MTAP: variants seen among roughly 807,000 people sequenced by gnomAD.
MTAP encodes the protein S-methyl-5'-thioadenosine phosphorylase.
MTAP carries 33 observed loss-of-function variants against 33.6 expected under a neutral mutation model. The observed-to-expected ratio is 0.98, with a 90% CI of 0.74 to 1.31. MTAP has a LOEUF of 1.31. Among genes scored for constraint, MTAP ranks in the 40% most tolerant of loss-of-function variants. The probability of loss-of-function intolerance (pLI) is 0.00; values close to 1 mark genes in which losing one functional copy is unlikely to be tolerated. For missense variants in MTAP, 367 were observed against 360.0 expected, an observed-to-expected ratio of 1.02 and a Z score of -0.16; for synonymous variants, 148 against 125.7, an observed-to-expected ratio of 1.18 and a Z score of -1.19.
At chr9:21,933,676 C>T (rs1818998833), downstream of MTAP, 1 of 152,178 alleles carries the variant, frequency 6.6e-6, no homozygotes, top group Non-Finnish European at 1.5e-5. Context: ...CTGCCAGAAA[C>T]ACAATTTGGA....
chr9:21,932,228 TAATTA>T (rs1818972597), downstream of MTAP: 2 of 152,216 alleles, frequency 1.3e-5, no homozygotes, highest in Admixed American at 1.3e-4. Context: ...AAGCTGCCCA[TAATTA>T]TTCCTGGGCT....
intron 4 of MTAP, among the ~76,000 whole-genome samples, chr9:21,834,956 G>A (rs1198226455): frequency 6.6e-6 from 1 of 152,140 alleles, no homozygotes; most frequent in East Asian, 1.9e-4. Flanking sequence ...GTATATGTGT[G>A]TCTTAGTCTG....
chr9:21,815,470 A>C lies in MTAP; in HGVS notation c.71A>C (p.Glu24Ala). Reference sequence around the variant, plus strand: ...GGTGGAACAGGCCTGGATGATCCAGAAATTTTAGAAGGAAGAACTGAAAAA... The same window carrying C: ...GGTGGAACAGGCCTGGATGATCCAGCAATTTTAGAAGGAAGAACTGAAAAA... ...IIGGTGLDDP[E>A]ILEGRTEKYV... The change falls in exon 2 of 8, where the codon GAA becomes GCA. Residue 24 changes from glutamate (E) to alanine (A), a missense_variant. Glu to Ala is a moderately radical substitution (Grantham distance 107, BLOSUM62 -1). Coordinates refer to ENST00000644715, the MANE Select transcript of MTAP (RefSeq NM_002451.4). The C allele has an allele frequency of 6.2e-7, 1 of 1,612,286 alleles. No homozygotes were observed. Among genetic ancestry groups the C allele is most frequent in the East Asian group, 2.2e-5 (1 of 44,842 alleles).
At chr9:21,881,915 T>G (rs1818018184) in intron 1 of MTAP, among the ~76,000 whole-genome samples, 1 of 151,864 alleles carries the variant, frequency 6.6e-6, no homozygotes, top group African/African-American at 2.4e-5. Flanking sequence ...TCAAAGAAAT[T>G]TGCACACCCA....
downstream of MTAP, among the ~76,000 whole-genome samples, chr9:21,940,442 A>G (rs1048878144): frequency 2.0e-4 from 30 of 152,224 alleles, no homozygotes; most frequent in Non-Finnish European, 2.2e-4. Context: ...GTAGAAAACT[A>G]TAGCACACCC....
chr9:21,818,865 C>G (rs1361921767), intron 4 of MTAP, among the ~76,000 whole-genome samples: 1 of 152,176 alleles, frequency 6.6e-6, no homozygotes, highest in Non-Finnish European at 1.5e-5. Flanking sequence ...AGTATAATCT[C>G]AAAAACTTAT....
chr9:21,849,439 T>G (rs1443270005), intron 5 of MTAP, among the ~76,000 whole-genome samples: 1 of 152,188 alleles, frequency 6.6e-6, no homozygotes, highest in African/African-American at 2.4e-5. Context: ...AGGTCTGACG[T>G]GCAGTGGGTC....
intron 4 of MTAP, among the ~76,000 whole-genome samples, chr9:21,823,008 G>A (rs888068285): frequency 1.1e-4 from 17 of 151,814 alleles, no homozygotes; most frequent in African/African-American, 4.1e-4. Flanking sequence ...CCTTTATTTT[G>A]AGCCTATGTG....
At chr9:21,834,364 A>C (rs1825049854) in intron 4 of MTAP, among the ~76,000 whole-genome samples, 3 of 152,214 alleles carry the variant, frequency 2.0e-5, no homozygotes, top group African/African-American at 7.2e-5. Context: ...TAGGATCCCA[A>C]GCTATGGGGA....
intron 5 of MTAP, among the ~76,000 whole-genome samples, chr9:21,839,902 C>T (rs1349030192): frequency 2.0e-5 from 3 of 152,156 alleles, no homozygotes; most frequent in East Asian, 3.9e-4. Context: ...ACAAAAAAAG[C>T]TGGTAACAGG....
At chr9:21,821,201 C>T (rs1300071419) in intron 4 of MTAP, among the ~76,000 whole-genome samples, 1 of 152,164 alleles carries the variant, frequency 6.6e-6, no homozygotes, top group African/African-American at 2.4e-5. Context: ...CTGTCTTGTG[C>T]CAGTTTTCAA....
intron 1 of MTAP, among the ~76,000 whole-genome samples, chr9:21,911,582 G>A (rs1488599563): frequency 1.3e-5 from 2 of 152,060 alleles, no homozygotes; most frequent in Middle Eastern, 3.2e-3. Context: ...TGAAACCAAC[G>A]AGAACAAAGA....
intron 4 of MTAP, among the ~76,000 whole-genome samples, chr9:21,821,425 G>A (rs1446342719): frequency 6.6e-6 from 1 of 152,176 alleles, no homozygotes; most frequent in South Asian, 2.1e-4. Flanking sequence ...GCTGGATTAT[G>A]TTTATTGATT....
chr9:21,860,587 G>A (rs552380346), intron 7 of MTAP: 2 of 152,244 alleles, frequency 1.3e-5, no homozygotes, highest in African/African-American at 4.8e-5. Flanking sequence ...TAGAGATGCA[G>A]GAAACCCTTA....
chr9:21,858,877 A>G (rs1251280571), intron 6 of MTAP: 1 of 156,512 alleles, frequency 6.4e-6, no homozygotes, highest in Non-Finnish European at 1.4e-5. Flanking sequence ...GTCTGTCTGG[A>G]CTGTTGTAAC....
Position 21,865,899 on chromosome 9 carries a change from T to C in MTAP, c.*3885T>C, listed in dbSNP as rs1203154899. On this transcript the variant is annotated 3_prime_UTR_variant, in exon 8 of 8. Transcript: ENST00000644715. ...GCCTATCTTACAATTTGATTATCTA[T>C]TCACCTGTTGATGAATGTTTGAATT... is the stretch of plus-strand genomic sequence containing the variant. 3.2e-6 allele frequency: 2 copies of C among 633,288 alleles called. No homozygotes were observed. Among genetic ancestry groups the C allele is most frequent in the African/African-American group, 2.0e-5 (1 of 50,218 alleles). The allele number at this position is 633,288 out of a possible 1,614,324, so 39.2% of individuals were successfully genotyped here.
intron 1 of MTAP, among the ~76,000 whole-genome samples, chr9:21,929,054 C>A (rs1462447431): frequency 6.6e-6 from 1 of 152,042 alleles, no homozygotes; most frequent in Non-Finnish European, 1.5e-5. Context: ...AAGGTTGAAA[C>A]CCCAAATTCC....
rs1825858409 is a variant in MTAP, at chr9:21,866,665, A to T, written c.*4651A>T. ...GTGGCTTTATGGTGTCTTGAAATTA[A>T]GTATTGTTAAGCTTTGCAATCTTTT... On this transcript the variant is annotated 3_prime_UTR_variant, in exon 8 of 8. Transcript: ENST00000644715. 1 of 152,120 alleles carries T rather than the reference A, an allele frequency of 6.6e-6. No individual in the cohort carries two copies. The highest frequency in any genetic ancestry group is 2.4e-5 in the African/African-American group (1 of 41,434). 9.4% of individuals were successfully genotyped at this position (152,120 alleles called of 1,614,324 possible).
chr9:21,879,647 G>C (rs1041419679), intron 1 of MTAP, among the ~76,000 whole-genome samples: 2 of 151,798 alleles, frequency 1.3e-5, no homozygotes, highest in African/African-American at 4.8e-5. Context: ...TAGTGTCATT[G>C]GTACTTAAAT....
Sources: allele counts gnomAD v4.1 joint callset (sites outside exome capture counted in the v4.1 genomes callset), GRCh38; gene constraint gnomAD v4.1.1; transcripts MANE v1.5; gene names NCBI Gene and HGNC (gene_info 2026-07-23, HGNC 2026-07-21).